FER1L6: variants seen among roughly 807,000 people sequenced by gnomAD.
FER1L6 encodes the protein fer-1-like protein 6.
In FER1L6, 177 loss-of-function variants were observed where a neutral mutation model predicts 219.2. That is an observed-to-expected ratio of 0.81 (90% CI 0.71 to 0.91). FER1L6 has a LOEUF of 0.91. FER1L6 is among the 40% of genes least tolerant of loss of function. FER1L6 has a pLI of 0.00. For synonymous variants in FER1L6, 768 were observed against 824.3 expected, an observed-to-expected ratio of 0.93 and a Z score of 1.17; for missense variants, 2,153 against 2,259.9, an observed-to-expected ratio of 0.95 and a Z score of 0.96.
chr8:123,871,815 T>G (rs866599945), intron 1 of FER1L6, among the ~76,000 whole-genome samples: 3 of 152,266 alleles, frequency 2.0e-5, no homozygotes, highest in East Asian at 3.9e-4. Flanking sequence ...CTCATTCAGG[T>G]GATCACTGTT....
chr8:124,016,668 C>A (rs886469358), intron 15 of FER1L6, among the ~76,000 whole-genome samples: 10 of 152,082 alleles, frequency 6.6e-5, no homozygotes, highest in African/African-American at 1.9e-4. Context: ...TTTCATTCAG[C>A]AAAATATCAC....
intron 7 of FER1L6, among the ~76,000 whole-genome samples, chr8:123,973,915 T>G (rs1815934306): frequency 6.6e-6 from 1 of 152,224 alleles, no homozygotes; most frequent in Admixed American, 6.5e-5. Flanking sequence ...GAAGATAACT[T>G]ACTACTTCCT....
rs573146271 is a variant in FER1L6, at chr8:124,114,611, C to G, written c.5290-4233C>G. Among the ~76,000 whole-genome samples the G allele has an allele frequency of 1.5e-4, 23 of 151,796 alleles. No individual in the cohort carries two copies. The East Asian group carries it at 1.9e-3, about 13-fold the overall frequency. On this transcript the variant is annotated intron_variant, in intron 39 of 40. Transcript: ENST00000522917. ...GGGGCAAATAGGACAATTTGAACAT[C>G]CAAAAGAAAAATGACTATGCTTTGT...
intron 17 of FER1L6, 53 bp downstream of exon 17, chr8:124,021,722 C>T: frequency 6.2e-7 from 1 of 1,603,184 alleles, no homozygotes; most frequent in South Asian, 1.1e-5. Flanking sequence ...GAATGTCTTC[C>T]AGGGAGGTTT....
Position 124,119,591 on chromosome 8 carries a change from C to A in FER1L6, c.5391-16C>A. 1 of 1,576,668 alleles carries A rather than the reference C, an allele frequency of 6.3e-7. No homozygotes were observed. The highest frequency in any genetic ancestry group is 8.7e-7 in the Non-Finnish European group (1 of 1,153,374). On this transcript the variant is annotated splice_polypyrimidine_tract_variant and intron_variant, in intron 40 of 40. Coordinates refer to ENST00000522917, the MANE Select transcript of FER1L6 (RefSeq NM_001039112.2). ...CAGGATGCCCCCTTTTTGATTTTCT[C>A]TTCCTTCCCCCTCAGCCGCCCAGAC...
At chr8:123,921,294 G>T (rs547593302) in intron 1 of FER1L6, among the ~76,000 whole-genome samples, 5 of 152,080 alleles carry the variant, frequency 3.3e-5, no homozygotes, top group Non-Finnish European at 7.4e-5. Context: ...ACCATTTTAC[G>T]TTCCTGCCAA....
At chr8:124,035,732 T>C (rs1233885889) in intron 19 of FER1L6, among the ~76,000 whole-genome samples, 1 of 152,234 alleles carries the variant, frequency 6.6e-6, no homozygotes, top group African/African-American at 2.4e-5. Context: ...ATTATGTAGG[T>C]TGAGTTTGCG....
In FER1L6 at chr8:123,855,601, T is replaced by G. The variant is rs1261866371; in HGVS notation, c.-8+3416T>G. 2.0e-5 allele frequency among the ~76,000 whole-genome samples: 3 copies of G among 151,122 alleles called. No homozygotes were observed. The East Asian group carries it at 5.8e-4, about 29-fold the overall frequency. On this transcript the variant is annotated intron_variant, in intron 1 of 40. Transcript: ENST00000522917. Reference sequence around the variant, plus strand: ...AAAACATGATCTTGGGCCGGCTGTCTTCCCACTGGACCCCACAAAGTTGTA... The same window carrying G: ...AAAACATGATCTTGGGCCGGCTGTCGTCCCACTGGACCCCACAAAGTTGTA...
intron 1 of FER1L6, among the ~76,000 whole-genome samples, chr8:123,938,808 A>G (rs1041656825): frequency 1.3e-5 from 2 of 152,106 alleles, no homozygotes; most frequent in African/African-American, 4.8e-5. Flanking sequence ...TTGACCTCCC[A>G]AAGTGCTGAG....
At chr8:124,068,518 G>A (rs1254218552) in intron 28 of FER1L6, among the ~76,000 whole-genome samples, 1 of 152,168 alleles carries the variant, frequency 6.6e-6, no homozygotes, top group African/African-American at 2.4e-5. Flanking sequence ...AGAGCCTACT[G>A]CTAAAAAATT....
intron 33 of FER1L6, among the ~76,000 whole-genome samples, chr8:124,087,866 A>G (rs1378652493): frequency 6.6e-6 from 1 of 152,178 alleles, no homozygotes; most frequent in African/African-American, 2.4e-5. Flanking sequence ...GGTCTTGGGT[A>G]AGATCCAGGA....
chr8:123,902,699 T>C (rs1329580239), intron 1 of FER1L6, among the ~76,000 whole-genome samples: 1 of 152,238 alleles, frequency 6.6e-6, no homozygotes, highest in Non-Finnish European at 1.5e-5. Context: ...GTGAGCCTCC[T>C]GACGGCAGCA....
chr8:123,975,283 T>C lies in FER1L6; in HGVS notation c.660T>C (p.Ser220=). Reference sequence around the variant, plus strand: ...TCTTGAAGACCAGCCCTAAAACTTCTGACACCGAGGAGCCAATAGAAAAGT... The same window carrying C: ...TCTTGAAGACCAGCCCTAAAACTTCCGACACCGAGGAGCCAATAGAAAAGT... ...GDVLKTSPKT[S]DTEEPIEKNL... is the part of the protein sequence containing the mutation. Residue 220 remains serine, a synonymous_variant, in exon 8 of 41, where the codon TCT becomes TCC. Transcript: ENST00000522917. 2 of 1,611,506 alleles carry C rather than the reference T, an allele frequency of 1.2e-6. No individual in the cohort carries two copies. Among genetic ancestry groups the C allele is most frequent in the South Asian group, 2.2e-5 (2 of 90,616 alleles).
At position 123,977,628 on chromosome 8, in the gene FER1L6, G is replaced by A; in HGVS notation, c.1063+19G>A. 2 of 1,610,280 alleles carry A rather than the reference G, an allele frequency of 1.2e-6. No individual in the cohort carries two copies. The highest frequency in any genetic ancestry group is 1.7e-6 in the Non-Finnish European group (2 of 1,177,284). The stretch of plus-strand genomic sequence containing the variant: ...GACAAAGGTAAAGTCCCATCCATCT[G>A]ACTTGAAAAATGTCTCAAAATGCTT... On this transcript the variant is annotated intron_variant, in intron 10 of 40. Coordinates refer to ENST00000522917, the MANE Select transcript of FER1L6 (RefSeq NM_001039112.2).
At chr8:123,941,409 A>T (rs1193426814) in intron 1 of FER1L6, among the ~76,000 whole-genome samples, 10 of 152,190 alleles carry the variant, frequency 6.6e-5, no homozygotes, top group Admixed American at 5.9e-4. Context: ...AGAGAGGAGC[A>T]CGTGCAAAGA....
intron 2 of FER1L6, among the ~76,000 whole-genome samples, chr8:123,958,989 C>A (rs981392662): frequency 9.2e-5 from 14 of 151,934 alleles, no homozygotes; most frequent in African/African-American, 3.4e-4. Context: ...GTGGGCAGAA[C>A]CAGATGGAGC....
intron 2 of FER1L6, 80 bp from the exon 3 acceptor site, chr8:123,963,198 C>CA (rs1379014316): frequency 6.4e-7 from 1 of 1,574,646 alleles, no homozygotes; most frequent in African/African-American, 1.3e-5. Context: ...GTGCCTGCCA[C>CA]AGGGCTGGCA....
rs1196567723 is a variant in FER1L6, at chr8:124,111,510, C to G, written c.5290-7334C>G. On this transcript the variant is annotated intron_variant, in intron 39 of 40. Transcript: ENST00000522917. This position sits in a 1 kb window ranked among gnomAD's most constrained non-coding sequence, Gnocchi z 5.0. Reference sequence around the variant, plus strand: ...TCAGGGCAAGTCTGTAAAGAGAAAGCAAGTTTATTAAGAAAGTAAAGGAAT... The same window carrying G: ...TCAGGGCAAGTCTGTAAAGAGAAAGGAAGTTTATTAAGAAAGTAAAGGAAT... Among the ~76,000 whole-genome samples, 1 of 152,164 alleles carries G rather than the reference C, an allele frequency of 6.6e-6. No homozygotes were observed. The highest frequency in any genetic ancestry group is 1.5e-5 in the Non-Finnish European group (1 of 68,030).
intron 26 of FER1L6, 22 bp downstream of exon 26, chr8:124,064,595 A>G: frequency 6.2e-7 from 1 of 1,604,330 alleles, no homozygotes; most frequent in Non-Finnish European, 8.5e-7. Context: ...ATCCCTCTCT[A>G]TATTTACAAG....
Sources: gnomAD v4.1 joint callset for allele counts (sites outside exome capture counted in the v4.1 genomes callset) on GRCh38, gnomAD v4.1.1 for gene constraint, Gnocchi (gnomAD v3.1) non-coding constraint, MANE v1.5 for transcripts, NCBI Gene and HGNC (gene_info 2026-07-23, HGNC 2026-07-21) for gene names.